RASSF9: variants seen among roughly 807,000 people sequenced by gnomAD.
RASSF9 encodes ras association domain-containing protein 9.
In RASSF9, 18 loss-of-function variants were observed where a neutral mutation model predicts 21.4. The ratio of observed to expected loss-of-function variants is 0.84; its 90% CI spans 0.58 to 1.25. The LOEUF is 1.25. Among genes scored for constraint, RASSF9 ranks in the 50% most tolerant of loss-of-function variants. The probability of loss-of-function intolerance (pLI) is 0.00; values close to 1 mark genes in which losing one functional copy is unlikely to be tolerated. For synonymous variants in RASSF9, 183 were observed against 179.1 expected, an observed-to-expected ratio of 1.02 and a Z score of -0.18; for missense variants, 480 against 503.2, an observed-to-expected ratio of 0.95 and a Z score of 0.44.
rs1016026072 is a variant in RASSF9 at position 85,800,865 on chromosome 12, G to T, written c.*3837C>A. Reference sequence around the variant, plus strand: ...ATATCAGGATAAAATGTATTTCTTTGTCACTAGAAAAATATGTTTTAAATA... The same window carrying T: ...ATATCAGGATAAAATGTATTTCTTTTTCACTAGAAAAATATGTTTTAAATA... On this transcript the variant is annotated 3_prime_UTR_variant, in exon 2 of 2. Coordinates refer to ENST00000361228, the MANE Select transcript of RASSF9 (RefSeq NM_005447.4). 2.0e-5 allele frequency: 3 copies of T among 151,614 alleles called. No individual in the cohort carries two copies. Among genetic ancestry groups the T allele is most frequent in the Admixed American group, 2.0e-4 (3 of 15,220 alleles). 9.4% of individuals were successfully genotyped at this position (151,614 alleles called of 1,614,324 possible).
In RASSF9 at chr12:85,801,265, G is replaced by C. The variant is rs922132508; in HGVS notation, c.*3437C>G. The C allele has an allele frequency of 6.6e-6, 1 of 152,036 alleles. No individual in the cohort carries two copies. The highest frequency in any genetic ancestry group is 2.4e-5 in the African/African-American group (1 of 41,394). 9.4% of individuals were successfully genotyped at this position (152,036 alleles called of 1,614,324 possible). A position where few individuals can be genotyped will look rare whatever the true frequency, so the allele number is the denominator to read the frequency against. On this transcript the variant is annotated 3_prime_UTR_variant, in exon 2 of 2. Coordinates refer to ENST00000361228, the MANE Select transcript of RASSF9 (RefSeq NM_005447.4). ...TGATGCCACATTTAAAAAAATCGTA[G>C]TAGCATGAAGATTTAATTTTTCTTT...
In RASSF9 at chr12:85,815,529, A is replaced by T. The variant is rs147838415; in HGVS notation, c.48-9567T>A. 3.8e-3 allele frequency among the ~76,000 whole-genome samples: 571 copies of T among 152,238 alleles called. 5 individuals are homozygous for T. Among genetic ancestry groups the T allele is most frequent in the African/African-American group, 0.013 (557 of 41,556 alleles). The stretch of plus-strand genomic sequence containing the variant: ...GAGGAATTGCCACACTGTCTTCCAC[A>T]ATGACTGAACTAATGTACACTCCTA... On this transcript the variant is annotated intron_variant, in intron 1 of 1. Coordinates refer to ENST00000361228, the MANE Select transcript of RASSF9 (RefSeq NM_005447.4).
chr12:85,822,729 T>C (rs1880238664), intron 1 of RASSF9, among the ~76,000 whole-genome samples: 1 of 152,196 alleles, frequency 6.6e-6, no homozygotes, highest in Non-Finnish European at 1.5e-5. Flanking sequence ...CACCCCTTCG[T>C]AAACTCTTTT....
chr12:85,819,886 C>A (rs7962874), intron 1 of RASSF9, among the ~76,000 whole-genome samples: 27,181 of 152,092 alleles, frequency 0.18, 2,659 homozygotes, highest in African/African-American at 0.22. Flanking sequence ...ATATACAAAG[C>A]TAAAATGTCT....
At position 85,836,246 on chromosome 12, in the gene RASSF9, G is replaced by T; in HGVS notation, c.-45C>A. 1 of 1,545,298 alleles carries T rather than the reference G, an allele frequency of 6.5e-7. No individual in the cohort carries two copies. The highest frequency in any genetic ancestry group is 1.2e-5 in the South Asian group (1 of 83,798). The stretch of plus-strand genomic sequence containing the variant: ...TAAAGAAATTATCTTAAAGTGATCT[G>T]AGGGTGGGGGTGGGGGTGTCTGGAT... On this transcript the variant is annotated 5_prime_UTR_variant, in exon 1 of 2. Transcript: ENST00000361228.
chr12:85,820,719 T>A (rs567899063), intron 1 of RASSF9, among the ~76,000 whole-genome samples: 4 of 152,318 alleles, frequency 2.6e-5, no homozygotes, highest in African/African-American at 9.6e-5. Flanking sequence ...ATTAAAAAAT[T>A]TTTTTCAGGA....
At chr12:85,811,553 A>G (rs1879953759) in intron 1 of RASSF9, among the ~76,000 whole-genome samples, 2 of 151,940 alleles carry the variant, frequency 1.3e-5, no homozygotes, top group South Asian at 4.1e-4. Context: ...TTAACAGAAT[A>G]AAGTAACTAT....
At chr12:85,831,458 T>C (rs999558853) in intron 1 of RASSF9, among the ~76,000 whole-genome samples, 5 of 152,010 alleles carry the variant, frequency 3.3e-5, no homozygotes, top group Non-Finnish European at 7.4e-5. Context: ...AATTCAGGTT[T>C]AACCTAGAGC....
intron 1 of RASSF9, among the ~76,000 whole-genome samples, chr12:85,823,163 G>C (rs571329237): frequency 2.1e-5 from 3 of 143,662 alleles, no homozygotes; most frequent in Non-Finnish European, 4.5e-5. Flanking sequence ...TCACACCACT[G>C]CACTCCAGCC....
At position 85,801,429 on chromosome 12, in the gene RASSF9, A is replaced by C. The variant is rs1161864493; in HGVS notation, c.*3273T>G. The C allele has an allele frequency of 2.6e-5, 4 of 152,242 alleles. No individual in the cohort carries two copies. The highest frequency in any genetic ancestry group is 4.4e-5 in the Non-Finnish European group (3 of 68,052). The allele number at this position is 152,242 out of a possible 1,614,324, so 9.4% of individuals were successfully genotyped here. On this transcript the variant is annotated 3_prime_UTR_variant, in exon 2 of 2. Transcript: ENST00000361228. ...CACACAAAAGCTACAAACCTCTAAA[A>C]TTTAGCCACTCAATTCAAAAAGGGA...
chr12:85,826,312 C>T (rs915853249), intron 1 of RASSF9, among the ~76,000 whole-genome samples: 1 of 152,100 alleles, frequency 6.6e-6, no homozygotes, highest in African/African-American at 2.4e-5. Flanking sequence ...ATATTGGCCC[C>T]ATGCACTGAA....
chr12:85,805,595 T>G lies in RASSF9; in HGVS notation c.415A>C (p.Lys139Gln). 3 of 1,613,980 alleles carry G rather than the reference T, an allele frequency of 1.9e-6. No homozygotes were observed. The highest frequency in any genetic ancestry group is 2.5e-6 in the Non-Finnish European group (3 of 1,179,902). ...AEAKLVQNTE[K>Q]LWELSPANYM... ...TTTGCTGGGCTGAGCTCCCACAATT[T>G]TTCTGTGTTTTGCACTAATTTGGCT... is the stretch of plus-strand genomic sequence containing the variant. Residue 139 changes from lysine to glutamine, a missense_variant, in exon 2 of 2, where the codon AAA becomes CAA. Physicochemically the swap from Lys to Gln is moderately conservative, Grantham distance 53. Transcript: ENST00000361228.
intron 1 of RASSF9, among the ~76,000 whole-genome samples, chr12:85,814,437 C>T (rs571918654): frequency 1.6e-4 from 25 of 152,016 alleles, no homozygotes; most frequent in South Asian, 1.5e-3. Context: ...ATTATCTGGC[C>T]TGAAATGTCA....
At chr12:85,820,868 G>A (rs560683840) in intron 1 of RASSF9, among the ~76,000 whole-genome samples, 209 of 152,144 alleles carry the variant, frequency 1.4e-3, no homozygotes, top group Middle Eastern at 3.4e-3. Context: ...CATTGAGGCC[G>A]GGCGCGGTGG....
At position 85,836,209 on chromosome 12, in the gene RASSF9, C is replaced by A; in HGVS notation, c.-8G>T. 2 of 1,526,200 alleles carry A rather than the reference C, an allele frequency of 1.3e-6. No homozygotes were observed. Among genetic ancestry groups the A allele is most frequent in the Non-Finnish European group, 1.8e-6 (2 of 1,139,768 alleles). 94.5% of individuals were successfully genotyped at this position (1,526,200 alleles called of 1,614,324 possible). A position where few individuals can be genotyped will look rare whatever the true frequency, so the allele number is the denominator to read the frequency against. ...TCTTCCAAAGGGAGCCATGGTCTGTCGGGCAAACGAATAAAGAAATTATCT... is the reference window on the plus strand; with the variant it reads ...TCTTCCAAAGGGAGCCATGGTCTGTAGGGCAAACGAATAAAGAAATTATCT... On this transcript the variant is annotated 5_prime_UTR_variant, in exon 1 of 2. Transcript: ENST00000361228.
intron 1 of RASSF9, among the ~76,000 whole-genome samples, chr12:85,817,750 T>G (rs974444010): frequency 6.6e-6 from 1 of 152,008 alleles, no homozygotes; most frequent in East Asian, 1.9e-4. Context: ...TTCAGAAAAT[T>G]GTCACATAGC....
At chr12:85,811,318 G>A (rs1212250521) in intron 1 of RASSF9, among the ~76,000 whole-genome samples, 1 of 151,798 alleles carries the variant, frequency 6.6e-6, no homozygotes, top group African/African-American at 2.4e-5. Flanking sequence ...AATTGATATT[G>A]ATGTTGGTTC....
At chr12:85,832,664 T>C (rs1052613175) in intron 1 of RASSF9, among the ~76,000 whole-genome samples, 2 of 151,930 alleles carry the variant, frequency 1.3e-5, no homozygotes, top group Admixed American at 6.6e-5. Context: ...CCCTAGCGAC[T>C]TTTAGAAAAC....
In RASSF9 at chr12:85,836,391, T is replaced by C. The variant is rs1297675948; in HGVS notation, c.-190A>G. On this transcript the variant is annotated 5_prime_UTR_variant, in exon 1 of 2. Coordinates refer to ENST00000361228, the MANE Select transcript of RASSF9 (RefSeq NM_005447.4). ...AAGTTGTGCAACTGCTGCTTAACTT[T>C]GAACTGCGGGATTGTTGTGGCTGCT... 7.0e-6 allele frequency: 9 copies of C among 1,287,570 alleles called. No homozygotes were observed. The highest frequency in any genetic ancestry group is 9.4e-6 in the Non-Finnish European group (9 of 955,322). 79.8% of individuals were successfully genotyped at this position (1,287,570 alleles called of 1,614,324 possible). A position where few individuals can be genotyped will look rare whatever the true frequency, so the allele number is the denominator to read the frequency against.
Sources: gnomAD v4.1 joint callset for allele counts (sites outside exome capture counted in the v4.1 genomes callset) on GRCh38, gnomAD v4.1.1 for gene constraint, MANE v1.5 for transcripts, NCBI Gene and HGNC (gene_info 2026-07-23, HGNC 2026-07-21) for gene names.